Variants in POPDC1 observed in about 807,000 individuals in gnomAD.
POPDC1 encodes the protein popeye domain cAMP effector 1.
chr6:105,116,988 T>C, the POPDC1 span: 1 of 1,013,258 alleles, frequency 9.9e-7, no homozygotes, highest in Non-Finnish European at 1.4e-6. Flanking sequence ...ATTTGTCAAA[T>C]TATAAAAAAA....
At chr6:105,114,380 A>C in the POPDC1 span, among the ~76,000 whole-genome samples, 1 of 152,282 alleles carries the variant, frequency 6.6e-6, no homozygotes, top group East Asian at 1.9e-4. Context: ...GGAAGAAGTA[A>C]AGTTTTTTCT....
the POPDC1 span, among the ~76,000 whole-genome samples, chr6:105,132,552 AAG>A: frequency 6.6e-5 from 10 of 152,180 alleles, no homozygotes; most frequent in South Asian, 2.1e-3. Flanking sequence ...CAGCCCCCAC[AAG>A]AGTGTCTTTC....
At chr6:105,123,335 A>G in the POPDC1 span, among the ~76,000 whole-genome samples, 1 of 152,232 alleles carries the variant, frequency 6.6e-6, no homozygotes, top group Non-Finnish European at 1.5e-5. Flanking sequence ...TGAATAACAT[A>G]GGAGGGCTGG....
the POPDC1 span, among the ~76,000 whole-genome samples, chr6:105,123,039 A>G: frequency 6.6e-6 from 1 of 152,244 alleles, no homozygotes; most frequent in Non-Finnish European, 1.5e-5. Context: ...TGTATGTCTA[A>G]AAGTGTTCTT....
the POPDC1 span, among the ~76,000 whole-genome samples, chr6:105,110,032 A>G: frequency 6.6e-6 from 1 of 152,190 alleles, no homozygotes; most frequent in Non-Finnish European, 1.5e-5. Context: ...TTTTACAGGT[A>G]AGAAAATGCT....
chr6:105,128,168 GATT>G, the POPDC1 span, among the ~76,000 whole-genome samples: 1 of 152,224 alleles, frequency 6.6e-6, no homozygotes, highest in Non-Finnish European at 1.5e-5. Context: ...AAGTGTGTTA[GATT>G]ATTGTTTCCA....
the POPDC1 span, among the ~76,000 whole-genome samples, chr6:105,102,353 T>G: frequency 2.0e-5 from 3 of 152,166 alleles, no homozygotes; most frequent in African/African-American, 4.8e-5. Flanking sequence ...AGCAGACAGC[T>G]GGGTTGGCCA....
the POPDC1 span, among the ~76,000 whole-genome samples, chr6:105,123,636 G>A: frequency 1.3e-5 from 2 of 152,116 alleles, no homozygotes; most frequent in Admixed American, 6.5e-5. Context: ...TCCTGACCTC[G>A]TGATCTGCCT....
At chr6:105,129,576 C>T in the POPDC1 span, 5 of 1,459,662 alleles carry the variant, frequency 3.4e-6, no homozygotes, top group African/African-American at 5.7e-5. Flanking sequence ...AATTTGATAT[C>T]CTCTATATAT....
chr6:105,126,301 T>G, the POPDC1 span, among the ~76,000 whole-genome samples: 1 of 150,862 alleles, frequency 6.6e-6, no homozygotes, highest in African/African-American at 2.4e-5. Flanking sequence ...GAAAAAAAAT[T>G]AGTACCTATA....
the POPDC1 span, among the ~76,000 whole-genome samples, chr6:105,126,066 A>C: frequency 2.0e-5 from 3 of 151,990 alleles, no homozygotes; most frequent in African/African-American, 2.4e-5. Flanking sequence ...CTCTACTAAA[A>C]GTACAAGAAA....
At chr6:105,124,483 C>A in the POPDC1 span, 1 of 1,140,936 alleles carries the variant, frequency 8.8e-7, no homozygotes, top group Non-Finnish European at 1.3e-6. Context: ...CTATTAATAT[C>A]CTTTGGATTC....
At chr6:105,126,629 TCA>T in the POPDC1 span, among the ~76,000 whole-genome samples, 1 of 152,144 alleles carries the variant, frequency 6.6e-6, no homozygotes, top group African/African-American at 2.4e-5. Flanking sequence ...ACCTTTTGTT[TCA>T]CACACACAAA....
the POPDC1 span, among the ~76,000 whole-genome samples, chr6:105,135,284 G>A: frequency 6.6e-6 from 1 of 152,006 alleles, no homozygotes; most frequent in Non-Finnish European, 1.5e-5. Context: ...TCACTGTTCC[G>A]TCTCCCCAGA....
At chr6:105,100,317 G>A in the POPDC1 span, 22 of 152,084 alleles carry the variant, frequency 1.4e-4, no homozygotes, top group African/African-American at 3.6e-4. Context: ...AGACCATCCT[G>A]GCTAACACAG....
the POPDC1 span, chr6:105,100,550 A>ATG: frequency 1.3e-4 from 1 of 7,580 alleles, no homozygotes; most frequent in African/African-American, 1.7e-4. Flanking sequence ...ATGTATATAT[A>ATG]TGTATATATA....
At chr6:105,117,652 C>T in the POPDC1 span, among the ~76,000 whole-genome samples, 6 of 152,206 alleles carry the variant, frequency 3.9e-5, no homozygotes, top group South Asian at 1.2e-3. Context: ...CATGTTAACA[C>T]TTCCATCAGT....
the POPDC1 span, among the ~76,000 whole-genome samples, chr6:105,109,942 T>C: frequency 5.9e-5 from 9 of 151,912 alleles, no homozygotes; most frequent in African/African-American, 1.5e-4. Flanking sequence ...GTGATATCTA[T>C]GTATATTAAC....
At chr6:105,124,725 T>C in the POPDC1 span, 6 of 1,111,000 alleles carry the variant, frequency 5.4e-6, no homozygotes, top group Non-Finnish European at 8.1e-6. Context: ...AAAACTGCTA[T>C]CATCTTATGC....
Sources: allele counts gnomAD v4.1 joint callset (sites outside exome capture counted in the v4.1 genomes callset), GRCh38; gene constraint gnomAD v4.1.1; transcripts MANE v1.5; gene names NCBI Gene and HGNC (gene_info 2026-07-23, HGNC 2026-07-21).